LSAMP: variants seen among roughly 807,000 people sequenced by gnomAD.
The protein encoded by LSAMP is limbic system-associated membrane protein.
In LSAMP, 7 loss-of-function variants were observed where a neutral mutation model predicts 38.6. The ratio of observed to expected loss-of-function variants is 0.18; its 90% CI spans 0.10 to 0.34. The LOEUF is 0.34. Among genes scored for constraint, LSAMP ranks in the 10% least tolerant of loss-of-function variants. The pLI, the probability that LSAMP is intolerant of heterozygous loss-of-function variation, is 1.00. For synonymous variants in LSAMP, 154 were observed against 166.8 expected (o/e 0.92, Z 0.59); for missense variants, 313 against 420.0 (o/e 0.75, Z 2.23).
intron 1 of LSAMP, among the ~76,000 whole-genome samples, chr3:116,162,107 C>T (rs1319001087): frequency 6.6e-6 from 1 of 152,132 alleles, no homozygotes; most frequent in Non-Finnish European, 1.5e-5. Context: ...TCTTTCTGCA[C>T]ATTCACATTA....
intron 2 of LSAMP, among the ~76,000 whole-genome samples, chr3:116,023,604 C>CAAAA (rs71141849): frequency 1.3e-5 from 1 of 78,038 alleles, no homozygotes; most frequent in Non-Finnish European, 2.5e-5. Context: ...GACTCCGTCT[C>CAAAA]AAAAAAAAAA....
At chr3:116,102,899 GAATAAT>G (rs1354978229) in intron 1 of LSAMP, among the ~76,000 whole-genome samples, 2 of 152,024 alleles carry the variant, frequency 1.3e-5, no homozygotes, top group East Asian at 3.9e-4. Context: ...TCAATCAAAT[GAATAAT>G]AATACATTAT....
At chr3:115,885,956 C>G (rs543453953) in intron 3 of LSAMP, among the ~76,000 whole-genome samples, 54 of 151,962 alleles carry the variant, frequency 3.6e-4, no homozygotes, top group African/African-American at 1.2e-3. Flanking sequence ...GTTTGTCTAT[C>G]CAGATATGAC....
At chr3:115,911,524 TG>T (rs1937135658) in intron 3 of LSAMP, among the ~76,000 whole-genome samples, 1 of 152,064 alleles carries the variant, frequency 6.6e-6, no homozygotes, top group Admixed American at 6.6e-5. Flanking sequence ...GCTAATTTTT[TG>T]TAGAGACAGG....
chr3:116,001,190 G>T (rs1054148989), intron 3 of LSAMP, among the ~76,000 whole-genome samples: 2 of 151,644 alleles, frequency 1.3e-5, no homozygotes, highest in African/African-American at 4.8e-5. Context: ...AAAAAGAAAA[G>T]AAAAAAAGGA....
At chr3:115,966,766 C>T (rs1938829289) in intron 3 of LSAMP, among the ~76,000 whole-genome samples, 1 of 152,042 alleles carries the variant, frequency 6.6e-6, no homozygotes, top group South Asian at 2.1e-4. Context: ...AATACAACAA[C>T]AAGAAAATTT....
chr3:115,824,117 A>C (rs1934333618), intron 6 of LSAMP, among the ~76,000 whole-genome samples: 1 of 152,202 alleles, frequency 6.6e-6, no homozygotes, highest in Non-Finnish European at 1.5e-5. Flanking sequence ...TAATCAATGA[A>C]TTGAAATGTT....
intron 3 of LSAMP, among the ~76,000 whole-genome samples, chr3:116,017,023 A>G (rs1222394203): frequency 6.6e-6 from 1 of 152,118 alleles, no homozygotes; most frequent in Non-Finnish European, 1.5e-5. Flanking sequence ...ATTCTTGAAG[A>G]CATGGCTTGT....
chr3:116,392,434 G>A (rs902797330), intron 1 of LSAMP, among the ~76,000 whole-genome samples: 1 of 152,204 alleles, frequency 6.6e-6, no homozygotes, highest in Non-Finnish European at 1.5e-5. Context: ...CCCAGCTGGG[G>A]GTGCACACAC....
chr3:115,889,405 G>T (rs576666585), intron 3 of LSAMP, among the ~76,000 whole-genome samples: 78 of 151,884 alleles, frequency 5.1e-4, no homozygotes, highest in Non-Finnish European at 9.6e-4. Flanking sequence ...ATGAAACTGG[G>T]ATTCTGGTGC....
intron 3 of LSAMP, among the ~76,000 whole-genome samples, chr3:116,001,776 GA>G (rs1940000158): frequency 6.6e-6 from 1 of 152,110 alleles, no homozygotes. Context: ...TTGGCACTCT[GA>G]CCTTCCTGCT....
intron 1 of LSAMP, among the ~76,000 whole-genome samples, chr3:116,139,074 A>C (rs114923914): frequency 2.0e-5 from 3 of 151,878 alleles, no homozygotes; most frequent in Non-Finnish European, 2.9e-5. Flanking sequence ...TATAATATAC[A>C]TTATCAGGAG....
chr3:116,183,699 T>C (rs954756834), intron 1 of LSAMP, among the ~76,000 whole-genome samples: 1 of 151,876 alleles, frequency 6.6e-6, no homozygotes, highest in Non-Finnish European at 1.5e-5. Flanking sequence ...GTCATCTTTA[T>C]ATTTTAGTGA....
intron 1 of LSAMP, among the ~76,000 whole-genome samples, chr3:116,398,238 A>G (rs2048794375): frequency 6.6e-6 from 1 of 152,132 alleles, no homozygotes; most frequent in Non-Finnish European, 1.5e-5. Flanking sequence ...AGTACCTAAC[A>G]CTGCTTAGTT....
intron 1 of LSAMP, among the ~76,000 whole-genome samples, chr3:116,404,499 TA>T (rs1387008134): frequency 6.6e-6 from 1 of 152,036 alleles, no homozygotes; most frequent in Non-Finnish European, 1.5e-5. Flanking sequence ...ATTAACAGAT[TA>T]ATGATGGATG....
chr3:116,193,992 C>A (rs1416092748), intron 1 of LSAMP, among the ~76,000 whole-genome samples: 1 of 152,140 alleles, frequency 6.6e-6, no homozygotes, highest in Non-Finnish European at 1.5e-5. Context: ...GAGTTTCAGA[C>A]AGAAAACGGA....
chr3:116,065,546 A>G (rs1707408093), intron 2 of LSAMP, among the ~76,000 whole-genome samples: 1 of 152,190 alleles, frequency 6.6e-6, no homozygotes, highest in African/African-American at 2.4e-5. Context: ...TTTAGCATAA[A>G]CTAGTTTTGT....
intron 1 of LSAMP, among the ~76,000 whole-genome samples, chr3:116,407,053 T>C (rs2048906688): frequency 6.6e-6 from 1 of 152,084 alleles, no homozygotes; most frequent in Non-Finnish European, 1.5e-5. Context: ...CCTTCACTAA[T>C]TGAATTTTTT....
Position 116,421,308 on chromosome 3 carries a change from G to A in LSAMP, c.155+23569C>T, listed in dbSNP as rs561460491. On this transcript the variant is annotated intron_variant, in intron 1 of 6. Transcript: ENST00000490035. ...ATTGGGGCCAGGCGTGGTAGCTCAT[G>A]CCTGTAATCCCAGCACTTTGGGAGG... is the stretch of plus-strand genomic sequence containing the variant. Among the ~76,000 whole-genome samples the A allele has an allele frequency of 9.9e-5, 15 of 152,278 alleles. No homozygotes were observed. The South Asian group carries it at 2.5e-3, about 25-fold the overall frequency.
Sources: allele counts gnomAD v4.1 joint callset (sites outside exome capture counted in the v4.1 genomes callset), GRCh38; gene constraint gnomAD v4.1.1; transcripts MANE v1.5; gene names NCBI Gene and HGNC (gene_info 2026-07-23, HGNC 2026-07-21).